FGFR2: variants seen among roughly 807,000 people sequenced by gnomAD.
The protein encoded by FGFR2 is fibroblast growth factor receptor 2.
A neutral mutation model predicts 95.9 loss-of-function variants in FGFR2; 19 were observed. That is an observed-to-expected ratio of 0.20 (90% CI 0.14 to 0.29). The LOEUF (loss-of-function observed/expected upper bound fraction) is 0.29, where lower values mean the gene tolerates loss of function less well. Ranked by LOEUF, FGFR2 falls within the 10% of genes least tolerant of loss-of-function variation. FGFR2 has a pLI of 1.00. For synonymous variants in FGFR2, 392 were observed against 393.3 expected (o/e 1.00, Z 0.04); for missense variants, 707 against 1,056.9 (o/e 0.67, Z 4.59).
intron 12 of FGFR2, among the ~76,000 whole-genome samples, chr10:121,497,630 T>C (rs1330529810): frequency 6.6e-6 from 1 of 152,214 alleles, no homozygotes; most frequent in South Asian, 2.1e-4. Context: ...CTGTACATGT[T>C]CCCTTACACA....
In FGFR2 at chr10:121,487,586, G is replaced by A. The variant is rs565572288; in HGVS notation, c.1987-162C>T. ...CCAATGAGGACCATGAACAATGTGT[G>A]AGATGCACAGGTCTGGGCCGTTAAT... On this transcript the variant is annotated intron_variant, in intron 14 of 17. Transcript: ENST00000358487. Among the ~76,000 whole-genome samples, 21 of 152,368 alleles carry A rather than the reference G, an allele frequency of 1.4e-4. No homozygotes were observed. In the East Asian group the frequency reaches 3.5e-3, roughly 25 times the overall value.
chr10:121,526,905 G>A, intron 6 of FGFR2: 5 of 396,100 alleles, frequency 1.3e-5, no homozygotes, highest in Non-Finnish European at 2.2e-5. Context: ...ATCGGCTGGG[G>A]CTCCCACTTC....
intron 5 of FGFR2, among the ~76,000 whole-genome samples, chr10:121,542,675 T>C (rs1047224920): frequency 7.2e-5 from 11 of 152,204 alleles, no homozygotes; most frequent in Non-Finnish European, 1.5e-5. Flanking sequence ...CAAAGCAGAC[T>C]GAAGCAAAAT....
intron 2 of FGFR2, among the ~76,000 whole-genome samples, chr10:121,577,510 G>T (rs1341804973): frequency 6.6e-6 from 1 of 152,088 alleles, no homozygotes; most frequent in East Asian, 1.9e-4. Context: ...CAGAATTGGG[G>T]GTTAATTATC....
chr10:121,558,043 C>T (rs1035391059), intron 4 of FGFR2, among the ~76,000 whole-genome samples: 3 of 152,196 alleles, frequency 2.0e-5, no homozygotes, highest in African/African-American at 7.2e-5. Flanking sequence ...TCACTTCCCT[C>T]GAGTTAAGCA....
intron 5 of FGFR2, among the ~76,000 whole-genome samples, chr10:121,548,799 G>C (rs1019468287): frequency 6.6e-6 from 1 of 152,046 alleles, no homozygotes; most frequent in Non-Finnish European, 1.5e-5. Context: ...GAAAGCATTT[G>C]GTGGTTAAAA....
intron 2 of FGFR2, among the ~76,000 whole-genome samples, chr10:121,573,790 A>T (rs1590048838): frequency 6.6e-6 from 1 of 152,152 alleles, no homozygotes; most frequent in South Asian, 2.1e-4. Flanking sequence ...TGGGACTCCC[A>T]CAAGCACTGT....
chr10:121,491,306 A>C (rs1649170), intron 13 of FGFR2, among the ~76,000 whole-genome samples: 89 of 152,282 alleles, frequency 5.8e-4, no homozygotes, highest in African/African-American at 1.9e-3. Flanking sequence ...GAAAGTAATC[A>C]AAGGCAAGCC....
At chr10:121,594,587 G>A (rs759798093) in intron 1 of FGFR2, among the ~76,000 whole-genome samples, 12 of 152,320 alleles carry the variant, frequency 7.9e-5, no homozygotes, top group East Asian at 7.7e-4. Flanking sequence ...ATTTTCAAAT[G>A]GAGAAGTGTC....
chr10:121,564,244 T>C, intron 4 of FGFR2: 1 of 536,376 alleles, frequency 1.9e-6, no homozygotes, highest in Non-Finnish European at 3.4e-6. Context: ...AAAGGGAAAA[T>C]CAAGGAAAGA....
chr10:121,504,031 T>A, intron 9 of FGFR2, 90 bp from the exon 10 acceptor site: 1 of 1,506,300 alleles, frequency 6.6e-7, no homozygotes. Context: ...GTATCGAATC[T>A]TAGAAAGGAA....
chr10:121,519,720 T>A (rs951813597), intron 7 of FGFR2, among the ~76,000 whole-genome samples: 1 of 152,240 alleles, frequency 6.6e-6, no homozygotes, highest in African/African-American at 2.4e-5. Flanking sequence ...ATCTCAGGGC[T>A]GATAAATAGC....
intron 2 of FGFR2, among the ~76,000 whole-genome samples, chr10:121,590,659 A>G (rs1250494870): frequency 2.0e-5 from 3 of 152,186 alleles, no homozygotes; most frequent in African/African-American, 7.2e-5. Flanking sequence ...TATATATGAT[A>G]TATGATATGA....
At position 121,518,628 on chromosome 10, in the gene FGFR2, G is replaced by C. The variant is rs2134278781; in HGVS notation, c.940-1165C>G. On this transcript the variant is annotated intron_variant, in intron 7 of 17. Coordinates refer to ENST00000358487, the MANE Select transcript of FGFR2 (RefSeq NM_000141.5). The surrounding 1 kb of genome is among the most constrained non-coding windows in gnomAD (Gnocchi z 4.0). ...TCTCCCAAAGCACCAAGTCTTTTCA[G>C]CTTCTATATCCAGCTTTCTTTTTAA... 1 of 1,609,362 alleles carries C rather than the reference G, an allele frequency of 6.2e-7. No individual in the cohort carries two copies. The highest frequency in any genetic ancestry group is 8.5e-7 in the Non-Finnish European group (1 of 1,176,838).
In FGFR2 at chr10:121,573,377, T is replaced by C. The variant is rs555037969; in HGVS notation, c.110-7673A>G. 2.0e-5 allele frequency among the ~76,000 whole-genome samples: 3 copies of C among 152,284 alleles called. No individual in the cohort carries two copies. In the South Asian group the frequency reaches 6.2e-4, roughly 32 times the overall value. ...GATGGTGTCTTTTCCAACGTCTAGA[T>C]CATCCTAGTTCCAAGGATGCGGTGG... On this transcript the variant is annotated intron_variant, in intron 2 of 17. Coordinates refer to ENST00000358487, the MANE Select transcript of FGFR2 (RefSeq NM_000141.5).
intron 2 of FGFR2, among the ~76,000 whole-genome samples, chr10:121,591,664 T>C (rs1173666447): frequency 3.3e-5 from 5 of 152,216 alleles, no homozygotes; most frequent in Non-Finnish European, 5.9e-5. Flanking sequence ...CTCTAAGACA[T>C]CTTTTCTTTT....
Position 121,551,365 on chromosome 10 carries a change from C to G in FGFR2, c.549G>C (p.Gly183=). The G allele has an allele frequency of 1.2e-6, 2 of 1,614,082 alleles. No homozygotes were observed. Among genetic ancestry groups the G allele is most frequent in the South Asian group, 2.2e-5 (2 of 91,084 alleles). Residue 183 remains glycine (G), a synonymous_variant, in exon 5 of 18, where the codon GGG becomes GGC. Coordinates refer to ENST00000358487, the MANE Select transcript of FGFR2 (RefSeq NM_000141.5). ...GCCACCGCATGGTTGGCATTGGGTT[C>G]CCCCCGGCTGGGCAGCGAAACTTGA... ...NTVKFRCPAG[G]NPMPTMRWLK...
At chr10:121,588,590 A>G (rs975661540) in intron 2 of FGFR2, among the ~76,000 whole-genome samples, 2 of 152,094 alleles carry the variant, frequency 1.3e-5, no homozygotes, top group African/African-American at 2.4e-5. Flanking sequence ...AAAATCTCTA[A>G]ATCATATGGG....
intron 6 of FGFR2, chr10:121,526,880 C>T (rs970629946): frequency 4.8e-5 from 19 of 397,210 alleles, no homozygotes; most frequent in East Asian, 1.1e-4. Flanking sequence ...ATCTGACTCT[C>T]GGAAGTCTTG....
Sources: allele counts gnomAD v4.1 joint callset (sites outside exome capture counted in the v4.1 genomes callset), GRCh38; gene constraint gnomAD v4.1.1; non-coding constraint Gnocchi (gnomAD v3.1); transcripts MANE v1.5; gene names NCBI Gene and HGNC (gene_info 2026-07-23, HGNC 2026-07-21).